The following CSTF3 variants were observed in gnomAD, a reference collection of about 807,000 sequenced individuals.
CSTF3 encodes CF-1 77 kDa subunit.
Under a neutral mutation model 105.8 loss-of-function variants are expected in CSTF3, and 29 were observed. The observed-to-expected ratio is 0.27, with a 90% confidence interval of 0.20 to 0.37. CSTF3 has a LOEUF of 0.37. Among genes scored for constraint, CSTF3 ranks in the 10% least tolerant of loss-of-function variants. CSTF3 has a pLI of 1.00. For synonymous variants in CSTF3, 252 were observed against 281.9 expected, an observed-to-expected ratio of 0.89 and a Z score of 1.06; for missense variants, 357 against 879.3, an observed-to-expected ratio of 0.41 and a Z score of 7.51.
At chr11:33,086,885 A>G (rs748360287) in intron 18 of CSTF3, 103 bp downstream of exon 18, 57 of 1,287,824 alleles carry the variant, frequency 4.4e-5, no homozygotes, top group Admixed American at 7.2e-5. Context: ...AAGTCTAATA[A>G]TTAACCCACA....
At chr11:33,098,981 A>G (rs201483492) in intron 12 of CSTF3, 53 bp downstream of exon 12, 69 of 1,528,726 alleles carry the variant, frequency 4.5e-5, no homozygotes, top group Non-Finnish European at 5.6e-5. Context: ...AAAAAAGTTC[A>G]GTCCTGCACT....
chr11:33,089,554 T>C (rs1004810914), intron 17 of CSTF3, among the ~76,000 whole-genome samples: 2 of 152,184 alleles, frequency 1.3e-5, no homozygotes, highest in Admixed American at 6.5e-5. Flanking sequence ...CATTGAGAAG[T>C]AGTTAAAACT....
At chr11:33,120,830 A>C (rs1015489559) in intron 3 of CSTF3, among the ~76,000 whole-genome samples, 1 of 151,998 alleles carries the variant, frequency 6.6e-6, no homozygotes, top group African/African-American at 2.4e-5. Context: ...GGAAATGAAA[A>C]ATGTAAATGT....
intron 3 of CSTF3, among the ~76,000 whole-genome samples, chr11:33,126,702 G>A (rs1428700312): frequency 6.6e-6 from 1 of 151,814 alleles, no homozygotes; most frequent in African/African-American, 2.4e-5. Flanking sequence ...TACTTTTTTT[G>A]AGACCTTTGA....
At chr11:33,104,608 C>T (rs1310628811) in intron 8 of CSTF3, among the ~76,000 whole-genome samples, 1 of 151,950 alleles carries the variant, frequency 6.6e-6, no homozygotes, top group African/African-American at 2.4e-5. Context: ...CCCATCTCTA[C>T]AAAAAATTAG....
intron 1 of CSTF3, among the ~76,000 whole-genome samples, chr11:33,147,737 A>C (rs1855802851): frequency 6.6e-6 from 1 of 152,040 alleles, no homozygotes; most frequent in African/African-American, 2.4e-5. Flanking sequence ...AAACACCCAA[A>C]ACCACTCTGA....
chr11:33,156,930 T>C (rs1414475071), intron 1 of CSTF3: 2 of 271,546 alleles, frequency 7.4e-6, no homozygotes, highest in African/African-American at 4.6e-5. Context: ...ACATCATCTC[T>C]TCAACTAAAG....
At chr11:33,160,018 T>G (rs774651064) in intron 1 of CSTF3, among the ~76,000 whole-genome samples, 25 of 152,052 alleles carry the variant, frequency 1.6e-4, no homozygotes, top group Non-Finnish European at 2.9e-4. Context: ...CTTTGTAATT[T>G]TAGATAAATT....
rs1403198928 is a variant in CSTF3 at position 33,084,988 on chromosome 11, T to C, written c.*99A>G. 1 of 1,326,652 alleles carries C rather than the reference T, an allele frequency of 7.5e-7. No homozygotes were observed. Among genetic ancestry groups the C allele is most frequent in the African/African-American group, 1.4e-5 (1 of 69,454 alleles). 82.2% of individuals were successfully genotyped at this position (1,326,652 alleles called of 1,614,324 possible). ...AGGCACCAATGACAATACAACTTTG[T>C]TTCCAAGAACCTTGTAACAAAGCGT... On this transcript the variant is annotated 3_prime_UTR_variant, in exon 21 of 21. Coordinates refer to ENST00000323959, the MANE Select transcript of CSTF3 (RefSeq NM_001326.3).
At chr11:33,122,163 T>C (rs1855496195) in intron 3 of CSTF3, among the ~76,000 whole-genome samples, 1 of 152,224 alleles carries the variant, frequency 6.6e-6, no homozygotes, top group South Asian at 2.1e-4. Context: ...AAAGTGTGCA[T>C]GTTGAAAACC....
chr11:33,146,868 AT>A (rs1855790549), intron 1 of CSTF3, among the ~76,000 whole-genome samples: 1 of 150,628 alleles, frequency 6.6e-6, no homozygotes. Flanking sequence ...AAAAAAAAAA[AT>A]TAAAAGAAAT....
chr11:33,089,359 AG>A (rs1427555644), intron 17 of CSTF3, among the ~76,000 whole-genome samples: 3 of 150,660 alleles, frequency 2.0e-5, no homozygotes, highest in Non-Finnish European at 4.4e-5. Context: ...AAAAAAAAAA[AG>A]ACAGAAACGA....
At chr11:33,146,842 G>C (rs1855789879) in intron 1 of CSTF3, among the ~76,000 whole-genome samples, 2 of 150,328 alleles carry the variant, frequency 1.3e-5, no homozygotes, top group South Asian at 4.3e-4. Flanking sequence ...TTCTTTCAAT[G>C]GGTTTACTTC....
intron 3 of CSTF3, among the ~76,000 whole-genome samples, chr11:33,116,018 A>G (rs1391369146): frequency 6.6e-6 from 1 of 152,210 alleles, no homozygotes; most frequent in Non-Finnish European, 1.5e-5. Context: ...TAAACTTTCA[A>G]TTATCCAGGC....
intron 20 of CSTF3, among the ~76,000 whole-genome samples, 195 bp downstream of exon 20, chr11:33,085,518 T>C (rs1320633680): frequency 1.3e-5 from 2 of 152,246 alleles, no homozygotes; most frequent in Non-Finnish European, 2.9e-5. Context: ...TAAAGTTTTA[T>C]GACATTTTAC....
chr11:33,113,384 C>A (rs1371308682), intron 3 of CSTF3, among the ~76,000 whole-genome samples: 1 of 152,002 alleles, frequency 6.6e-6, no homozygotes, highest in Non-Finnish European at 1.5e-5. Flanking sequence ...GGTGTGGTGG[C>A]ATATGCCTGT....
chr11:33,145,776 T>C (rs998316464), intron 1 of CSTF3, among the ~76,000 whole-genome samples: 9 of 151,992 alleles, frequency 5.9e-5, no homozygotes, highest in Non-Finnish European at 1.3e-4. Context: ...ATGGCGCCAC[T>C]GCACTCCAGC....
At chr11:33,123,581 A>G (rs1224025263) in intron 3 of CSTF3, among the ~76,000 whole-genome samples, 1 of 152,162 alleles carries the variant, frequency 6.6e-6, no homozygotes, top group Non-Finnish European at 1.5e-5. Flanking sequence ...CGTCTGTAAT[A>G]ATATATAAGA....
intron 3 of CSTF3, among the ~76,000 whole-genome samples, chr11:33,123,987 A>G (rs962350162): frequency 6.6e-6 from 1 of 152,156 alleles, no homozygotes; most frequent in Non-Finnish European, 1.5e-5. Flanking sequence ...ACATTTAAAC[A>G]CATATCTATA....
Sources: allele counts gnomAD v4.1 joint callset (sites outside exome capture counted in the v4.1 genomes callset), GRCh38; gene constraint gnomAD v4.1.1; transcripts MANE v1.5; gene names NCBI Gene and HGNC (gene_info 2026-07-23, HGNC 2026-07-21).